GRIK4: variants seen among roughly 807,000 people sequenced by gnomAD.
The protein encoded by GRIK4 is glutamate ionotropic receptor kainate type subunit 4, also known as glutamate receptor ionotropic, kainate 4.
In GRIK4, 40 loss-of-function variants were observed where a neutral mutation model predicts 104.9. That is an observed-to-expected ratio of 0.38 (90% CI 0.30 to 0.50). The LOEUF is 0.50. Among genes scored for constraint, GRIK4 ranks in the 20% least tolerant of loss-of-function variants. The probability of loss-of-function intolerance (pLI) is 0.93; values close to 1 mark genes in which losing one functional copy is unlikely to be tolerated. For missense variants in GRIK4, 1,047 were observed against 1,308.1 expected, an observed-to-expected ratio of 0.80 and a Z score of 3.08; for synonymous variants, 485 against 524.9, an observed-to-expected ratio of 0.92 and a Z score of 1.04.
intron 3 of GRIK4, among the ~76,000 whole-genome samples, chr11:120,770,908 C>A (rs1270095409): frequency 1.3e-5 from 2 of 152,210 alleles, no homozygotes; most frequent in African/African-American, 4.8e-5. Flanking sequence ...CATCTGCCAG[C>A]ACTCCATAAC....
At chr11:120,789,578 C>G (rs1156241396) in intron 3 of GRIK4, among the ~76,000 whole-genome samples, 1 of 152,128 alleles carries the variant, frequency 6.6e-6, no homozygotes. Flanking sequence ...AGTGATCGCC[C>G]TAAAATGCAA....
chr11:120,823,673 T>G (rs1953180807), intron 6 of GRIK4, among the ~76,000 whole-genome samples: 1 of 152,198 alleles, frequency 6.6e-6, no homozygotes, highest in Non-Finnish European at 1.5e-5. Flanking sequence ...GCAGGTGCAG[T>G]GTTCAGGGAA....
At chr11:120,720,864 G>T (rs1950920534) in intron 3 of GRIK4, among the ~76,000 whole-genome samples, 2 of 152,112 alleles carry the variant, frequency 1.3e-5, no homozygotes. Context: ...TAGAGGAATG[G>T]AGGGTGAGGA....
intron 8 of GRIK4, among the ~76,000 whole-genome samples, chr11:120,849,121 A>G (rs1326015428): frequency 6.6e-6 from 1 of 152,182 alleles, no homozygotes; most frequent in Non-Finnish European, 1.5e-5. Context: ...CATCCATTTA[A>G]TAAAAATTGA....
intron 14 of GRIK4, among the ~76,000 whole-genome samples, chr11:120,947,202 G>C (rs1228882902): frequency 2.0e-5 from 3 of 152,152 alleles, no homozygotes; most frequent in African/African-American, 7.2e-5. Flanking sequence ...AAGTGTTCGA[G>C]ACCAGCCTGA....
At chr11:120,831,749 A>C (rs1591968695) in intron 6 of GRIK4, 103 bp from the exon 7 acceptor site, 1 of 802,468 alleles carries the variant, frequency 1.2e-6, no homozygotes. Flanking sequence ...AGACCCCCCG[A>C]CCCCACTTCC....
chr11:120,905,539 G>GGGGGGGGGGGGGGGGGGGGC lies in GRIK4; in HGVS notation c.1476+46_1476+47insGGGGGGGGGGGGGGGGGGGC. On this transcript the variant is annotated intron_variant, in intron 13 of 20. Coordinates refer to ENST00000527524, the MANE Select transcript of GRIK4 (RefSeq NM_014619.5). The surrounding 1 kb of genome is among the most constrained non-coding windows in gnomAD (Gnocchi z 5.1). Reference sequence around the variant, plus strand: ...CTGGGCCTGAGGGTGGGCTGGGAGGGATTGGAAGAGCATGAGGTTGTGCTG... The same window carrying GGGGGGGGGGGGGGGGGGGGC: ...CTGGGCCTGAGGGTGGGCTGGGAGGGGGGGGGGGGGGGGGGGGGGCATTGGAAGAGCATGAGGTTGTGCTG... 1 of 503,048 alleles carries GGGGGGGGGGGGGGGGGGGGC rather than the reference G, an allele frequency of 2.0e-6. No individual in the cohort carries two copies. Among genetic ancestry groups the GGGGGGGGGGGGGGGGGGGGC allele is most frequent in the East Asian group, 5.7e-5 (1 of 17,672 alleles). 31.2% of individuals were successfully genotyped at this position (503,048 alleles called of 1,614,324 possible). A position where few individuals can be genotyped will look rare whatever the true frequency, so the allele number is the denominator to read the frequency against.
intron 13 of GRIK4, among the ~76,000 whole-genome samples, chr11:120,929,264 C>T (rs1217170359): frequency 1.3e-5 from 2 of 152,084 alleles, no homozygotes; most frequent in African/African-American, 2.4e-5. Flanking sequence ...GACAGCCTGA[C>T]TCATGTGGCA....
chr11:120,639,754 C>T (rs1218437230), intron 1 of GRIK4, among the ~76,000 whole-genome samples: 1 of 152,196 alleles, frequency 6.6e-6, no homozygotes, highest in Non-Finnish European at 1.5e-5. Context: ...AATGGATGTC[C>T]CAGACTCCAG....
At chr11:120,954,531 T>TA (rs1224134360) in intron 15 of GRIK4, among the ~76,000 whole-genome samples, 1 of 152,088 alleles carries the variant, frequency 6.6e-6, no homozygotes, top group African/African-American at 2.4e-5. Context: ...TGTGAGCCCT[T>TA]GCGTGTGGCA....
intron 1 of GRIK4, among the ~76,000 whole-genome samples, chr11:120,592,234 T>C (rs946268144): frequency 6.6e-6 from 1 of 152,240 alleles, no homozygotes; most frequent in Non-Finnish European, 1.5e-5. Flanking sequence ...TAAGAATCAG[T>C]GCCAATTACA....
intron 4 of GRIK4, among the ~76,000 whole-genome samples, chr11:120,813,008 C>T (rs1484465119): frequency 6.6e-6 from 1 of 152,182 alleles, no homozygotes; most frequent in East Asian, 1.9e-4. Context: ...ACAATGCAAT[C>T]AGAACAAGTG....
At chr11:120,668,145 AGAT>A (rs1282705269) in intron 3 of GRIK4, among the ~76,000 whole-genome samples, 3 of 152,032 alleles carry the variant, frequency 2.0e-5, no homozygotes, top group African/African-American at 4.8e-5. Context: ...ATAGATAGAT[AGAT>A]AAGTAGGTAG....
At chr11:120,636,686 A>G (rs959497479) in intron 1 of GRIK4, among the ~76,000 whole-genome samples, 1 of 152,150 alleles carries the variant, frequency 6.6e-6, no homozygotes, top group Non-Finnish European at 1.5e-5. Flanking sequence ...CTAAAAATAC[A>G]AAAATTAGCC....
chr11:120,923,262 C>T (rs1312506322), intron 13 of GRIK4, among the ~76,000 whole-genome samples: 2 of 152,082 alleles, frequency 1.3e-5, no homozygotes, highest in South Asian at 2.1e-4. Flanking sequence ...TGGGATGTTG[C>T]GGCCCAAAGC....
chr11:120,789,705 C>T (rs1421207100), intron 3 of GRIK4, among the ~76,000 whole-genome samples: 1 of 152,116 alleles, frequency 6.6e-6, no homozygotes, highest in Admixed American at 6.5e-5. Flanking sequence ...TGCTCTTTTC[C>T]TCCCATCTGC....
At chr11:120,944,669 C>G (rs898427686) in intron 14 of GRIK4, among the ~76,000 whole-genome samples, 1 of 152,202 alleles carries the variant, frequency 6.6e-6, no homozygotes, top group Non-Finnish European at 1.5e-5. Flanking sequence ...TCCTTTAGGG[C>G]AAGGCATTTC....
chr11:120,514,081 A>T (rs1292878605), intron 1 of GRIK4, among the ~76,000 whole-genome samples: 1 of 152,124 alleles, frequency 6.6e-6, no homozygotes, highest in African/African-American at 2.4e-5. Context: ...CAGAGATGGA[A>T]GGGAGGACAG....
At chr11:120,544,282 G>A (rs975259308) in intron 1 of GRIK4, among the ~76,000 whole-genome samples, 2 of 152,100 alleles carry the variant, frequency 1.3e-5, no homozygotes, top group South Asian at 4.2e-4. Flanking sequence ...AATATGTATG[G>A]TCTTTTACAT....
Sources: gnomAD v4.1 joint callset for allele counts (sites outside exome capture counted in the v4.1 genomes callset) on GRCh38, gnomAD v4.1.1 for gene constraint, Gnocchi (gnomAD v3.1) non-coding constraint, MANE v1.5 for transcripts, NCBI Gene and HGNC (gene_info 2026-07-23, HGNC 2026-07-21) for gene names.